The following FOXN3 variants were observed in gnomAD, a reference collection of about 807,000 sequenced individuals.
FOXN3 encodes the protein forkhead box protein N3.
A neutral mutation model predicts 38.4 loss-of-function variants in FOXN3; 7 were observed. The ratio of observed to expected loss-of-function variants is 0.18; its 90% CI spans 0.10 to 0.34. FOXN3 has a LOEUF of 0.34. FOXN3 is among the 10% of genes least tolerant of loss of function. The pLI is 1.00. For synonymous variants in FOXN3, 230 were observed against 242.2 expected (o/e 0.95, Z 0.47); for missense variants, 456 against 613.4 (o/e 0.74, Z 2.71).
chr14:89,506,230 A>T (rs569611760), intron 1 of FOXN3, among the ~76,000 whole-genome samples: 12 of 48,542 alleles, frequency 2.5e-4, no homozygotes, highest in South Asian at 8.3e-4. Flanking sequence ...TACTGGGAAG[A>T]GAGGAGCCCC....
chr14:89,591,448 T>G (rs770016771), intron 1 of FOXN3, among the ~76,000 whole-genome samples: 1 of 152,160 alleles, frequency 6.6e-6, no homozygotes, highest in Non-Finnish European at 1.5e-5. Context: ...ATACTGATAT[T>G]TGAGGAACTG....
intron 4 of FOXN3, among the ~76,000 whole-genome samples, chr14:89,204,306 G>A (rs958151621): frequency 6.6e-6 from 1 of 152,114 alleles, no homozygotes; most frequent in Admixed American, 6.5e-5. Context: ...GGAAATGATG[G>A]TGCATGGCTG....
intron 5 of FOXN3, among the ~76,000 whole-genome samples, chr14:89,173,683 T>C (rs1887447920): frequency 1.3e-5 from 2 of 152,156 alleles, no homozygotes. Context: ...AGACACAGTA[T>C]TATTCTAGTT....
intron 1 of FOXN3, among the ~76,000 whole-genome samples, chr14:89,424,713 CAA>C (rs60485648): frequency 2.2e-5 from 2 of 91,728 alleles, no homozygotes; most frequent in Admixed American, 1.3e-4. Flanking sequence ...TATGACTCTA[CAA>C]AAAAAAAAAA....
chr14:89,568,191 T>C (rs1895405584), intron 1 of FOXN3, among the ~76,000 whole-genome samples: 2 of 152,112 alleles, frequency 1.3e-5, no homozygotes, highest in African/African-American at 4.8e-5. Flanking sequence ...TCTAATGCAC[T>C]AGAAAGTTCT....
intron 1 of FOXN3, among the ~76,000 whole-genome samples, chr14:89,585,373 T>A (rs548293622): frequency 1.5e-4 from 23 of 152,352 alleles, no homozygotes; most frequent in African/African-American, 5.3e-4. Flanking sequence ...ACTTTCTACC[T>A]TGATTTCTAC....
intron 1 of FOXN3, among the ~76,000 whole-genome samples, chr14:89,540,562 G>A (rs1347526943): frequency 1.3e-5 from 2 of 151,846 alleles, no homozygotes; most frequent in African/African-American, 2.4e-5. Context: ...GTGAAACGTC[G>A]TCTCTACTAA....
intron 1 of FOXN3, among the ~76,000 whole-genome samples, chr14:89,504,980 G>C (rs1893880975): frequency 6.6e-6 from 1 of 152,164 alleles, no homozygotes; most frequent in Non-Finnish European, 1.5e-5. Flanking sequence ...GCATCCCAGA[G>C]ATGCAGAATG....
chr14:89,234,147 C>A (rs1884908285), intron 4 of FOXN3, among the ~76,000 whole-genome samples: 1 of 152,170 alleles, frequency 6.6e-6, no homozygotes, highest in Non-Finnish European at 1.5e-5. Context: ...TAAGGAGAAC[C>A]CAACGAAATT....
chr14:89,286,431 T>C (rs12435315), intron 3 of FOXN3, among the ~76,000 whole-genome samples: 1,910 of 152,248 alleles, frequency 0.013, 40 homozygotes, highest in African/African-American at 0.044. Context: ...CAGCCCACCC[T>C]GATTTAGCAC....
At chr14:89,210,654 A>T (rs1596105454) in intron 4 of FOXN3, among the ~76,000 whole-genome samples, 1 of 152,200 alleles carries the variant, frequency 6.6e-6, no homozygotes, top group Non-Finnish European at 1.5e-5. Context: ...TTTAAAGACC[A>T]TCATTTCCTA....
At chr14:89,453,559 C>CAA (rs35296047) in intron 1 of FOXN3, among the ~76,000 whole-genome samples, 4,956 of 72,652 alleles carry the variant, frequency 0.068, 423 homozygotes, top group Middle Eastern at 0.12. Flanking sequence ...GACTCCGTCT[C>CAA]AAAAAAAAAA....
intron 1 of FOXN3, among the ~76,000 whole-genome samples, chr14:89,533,535 G>C (rs950804782): frequency 5.9e-5 from 9 of 151,890 alleles, no homozygotes; most frequent in African/African-American, 1.9e-4. Context: ...TGGTGGCGGG[G>C]GCCTGTAGCC....
intron 5 of FOXN3, among the ~76,000 whole-genome samples, chr14:89,180,132 G>A (rs1014665513): frequency 6.6e-6 from 1 of 152,252 alleles, no homozygotes; most frequent in East Asian, 1.9e-4. Context: ...TGGAGATGGA[G>A]AGCATGGAGG....
intron 4 of FOXN3, among the ~76,000 whole-genome samples, chr14:89,262,928 A>G (rs1037142609): frequency 8.5e-5 from 13 of 152,324 alleles, no homozygotes; most frequent in African/African-American, 3.1e-4. Context: ...TTCTTTTCAA[A>G]GCGAACCTCT....
intron 1 of FOXN3, among the ~76,000 whole-genome samples, chr14:89,513,944 A>C (rs953046608): frequency 6.6e-6 from 1 of 151,806 alleles, no homozygotes; most frequent in African/African-American, 2.4e-5. Context: ...GCACACACGC[A>C]CGCACACACG....
intron 1 of FOXN3, among the ~76,000 whole-genome samples, chr14:89,452,051 C>T (rs1892622909): frequency 6.6e-6 from 1 of 152,142 alleles, no homozygotes; most frequent in Non-Finnish European, 1.5e-5. Context: ...GATCCTTACC[C>T]TCTATTCCCT....
chr14:89,571,512 A>C (rs1267514988), intron 1 of FOXN3, among the ~76,000 whole-genome samples: 2 of 148,990 alleles, frequency 1.3e-5, no homozygotes, highest in African/African-American at 4.9e-5. Flanking sequence ...CTGTCTCACA[A>C]AAAAAAAAAA....
At chr14:89,325,351 A>C (rs1175938168) in intron 3 of FOXN3, among the ~76,000 whole-genome samples, 1 of 132,580 alleles carries the variant, frequency 7.5e-6, no homozygotes. Context: ...CACCACCACC[A>C]CCACCACCAC....
Sources: allele counts gnomAD v4.1 joint callset (sites outside exome capture counted in the v4.1 genomes callset), GRCh38; gene constraint gnomAD v4.1.1; transcripts MANE v1.5; gene names NCBI Gene and HGNC (gene_info 2026-07-23, HGNC 2026-07-21).